UBAC1: variants seen among roughly 807,000 people sequenced by gnomAD.
UBAC1 encodes the protein UBA domain containing 1.
A neutral mutation model predicts 45.9 loss-of-function variants in UBAC1; 27 were observed. The ratio of observed to expected loss-of-function variants is 0.59; its 90% CI spans 0.43 to 0.81. UBAC1 has a LOEUF of 0.81. Among genes scored for constraint, UBAC1 ranks in the 30% least tolerant of loss-of-function variants. The pLI is 0.00. For synonymous variants in UBAC1, 227 were observed against 215.5 expected, an observed-to-expected ratio of 1.05 and a Z score of -0.47; for missense variants, 529 against 539.2, an observed-to-expected ratio of 0.98 and a Z score of 0.19.
chr9:135,961,015 C>G lies in UBAC1; in HGVS notation c.138+10G>C, dbSNP rs753891681. ...GGGTGTTGGGGGCAGGGGAGGGGGCCCGGCCTTACGTGCTTGAGGCAGCGC... is the reference window on the plus strand; with the variant it reads ...GGGTGTTGGGGGCAGGGGAGGGGGCGCGGCCTTACGTGCTTGAGGCAGCGC... On this transcript the variant is annotated intron_variant, in intron 1 of 9. Transcript: ENST00000371756. 27 of 1,542,514 alleles carry G rather than the reference C, an allele frequency of 1.8e-5. No homozygotes were observed. Among genetic ancestry groups the G allele is most frequent in the Non-Finnish European group, 2.3e-5 (26 of 1,149,442 alleles).
rs766567460 is a variant in UBAC1, at chr9:135,953,757, G to GA, written c.260-5dup. 5.6e-6 allele frequency: 9 copies of GA among 1,613,070 alleles called. No individual in the cohort carries two copies. Among genetic ancestry groups the GA allele is most frequent in the African/African-American group, 1.3e-5 (1 of 74,996 alleles). On this transcript the variant is annotated splice_region_variant and splice_polypyrimidine_tract_variant and intron_variant, in intron 2 of 9. Transcript: ENST00000371756. ...TTTTTTATCAATAATAGGACATCTA[G>GA]AAAAAACAACACGTATATCCAACAC...
At chr9:135,948,806 A>G (rs1398715915) in intron 3 of UBAC1, among the ~76,000 whole-genome samples, 3 of 152,228 alleles carry the variant, frequency 2.0e-5, no homozygotes, top group Non-Finnish European at 4.4e-5. Context: ...AAGGTGACAC[A>G]TGCCTGTAAT....
chr9:135,934,655 G>C (rs753369099), intron 9 of UBAC1, among the ~76,000 whole-genome samples: 1 of 152,040 alleles, frequency 6.6e-6, no homozygotes, highest in African/African-American at 2.4e-5. Context: ...GTGAGACTCC[G>C]TCTCAAAAAA....
rs142858133 is a variant in UBAC1 at position 135,935,672 on chromosome 9, G to A, written c.1103-2157C>T. 8.7e-3 allele frequency among the ~76,000 whole-genome samples: 1,319 copies of A among 152,002 alleles called. 8 individuals are homozygous for A. Among genetic ancestry groups the A allele is most frequent in the Non-Finnish European group, 0.015 (1,043 of 67,980 alleles). ...AACAAATAGATGACACGCATAGACA[G>A]TATGTAAAAGAAGAAATGCAATGGC... is the stretch of plus-strand genomic sequence containing the variant. On this transcript the variant is annotated intron_variant, in intron 9 of 9. Transcript: ENST00000371756.
chr9:135,940,529 A>G (rs924784505), intron 7 of UBAC1, among the ~76,000 whole-genome samples: 1 of 151,658 alleles, frequency 6.6e-6, no homozygotes, highest in Non-Finnish European at 1.5e-5. Context: ...GCAGTGAGCC[A>G]AGATCGCGCC....
At chr9:135,960,462 A>C (rs1839519617) in intron 1 of UBAC1, among the ~76,000 whole-genome samples, 4 of 152,190 alleles carry the variant, frequency 2.6e-5, no homozygotes, top group Admixed American at 2.6e-4. Context: ...GCTAAAAGGC[A>C]CAGTGGCCTG....
At chr9:135,958,049 C>CT (rs756622970) in intron 1 of UBAC1, among the ~76,000 whole-genome samples, 65,001 of 126,238 alleles carry the variant, frequency 0.51, 16,753 homozygotes, top group Admixed American at 0.56. Flanking sequence ...GTATAATTTT[C>CT]TTTTTTTTTT....
Position 135,938,306 on chromosome 9 carries a change from T to A in UBAC1, c.1018A>T (p.Ile340Phe), listed in dbSNP as rs1207759786. The A allele has an allele frequency of 5.0e-6, 8 of 1,614,044 alleles. No individual in the cohort carries two copies. Among genetic ancestry groups the A allele is most frequent in the Non-Finnish European group, 5.9e-6 (7 of 1,180,050 alleles). Residue 340 changes from isoleucine (I) to phenylalanine (F), a missense_variant, in exon 9 of 10, where the codon ATC (isoleucine) becomes TTC (phenylalanine). Ile to Phe is a conservative substitution (Grantham distance 21). Transcript: ENST00000371756. ...TGAAAGAGAGGACTGTCGGGGTCGATGCCCTTGTCCAGCTCCTCCGGAGAG... is the reference window on the plus strand; with the variant it reads ...TGAAAGAGAGGACTGTCGGGGTCGAAGCCCTTGTCCAGCTCCTCCGGAGAG... ...KPSPEELDKG[I>F]DPDSPLFQAI...
rs1839432397 is a variant in UBAC1 at position 135,953,615 on chromosome 9, GC to G, written c.333+64del. On this transcript the variant is annotated intron_variant, in intron 3 of 9. Transcript: ENST00000371756. ...TTACAGGCGCGAGCCACTGTACCCA[GC>G]CTGTAATTCTTAAATGTAGACTTCT... 2.8e-6 allele frequency: 4 copies of G among 1,451,402 alleles called. No individual in the cohort carries two copies. The African/African-American group carries it at 5.6e-5, about 20-fold the overall frequency. The allele number at this position is 1,451,402 out of a possible 1,614,324, so 89.9% of individuals were successfully genotyped here. A position where few individuals can be genotyped will look rare whatever the true frequency, so the allele number is the denominator to read the frequency against.
chr9:135,960,815 C>T (rs1472832779), intron 1 of UBAC1, among the ~76,000 whole-genome samples: 1 of 152,114 alleles, frequency 6.6e-6, no homozygotes, highest in African/African-American at 2.4e-5. Flanking sequence ...AGGCCAGGCC[C>T]GGGACGAGCG....
rs558381539 is a variant in UBAC1, at chr9:135,940,133, G to A, written c.877-374C>T. Among the ~76,000 whole-genome samples, 13 of 152,264 alleles carry A rather than the reference G, an allele frequency of 8.5e-5. No homozygotes were observed. The East Asian group carries it at 1.2e-3, about 14-fold the overall frequency. On this transcript the variant is annotated intron_variant, in intron 7 of 9. Coordinates refer to ENST00000371756, the MANE Select transcript of UBAC1 (RefSeq NM_016172.3). ...ATGACTGTGTGGATAAGACTGTCTC[G>A]GCAGCCACCGCAGGTTTACCCCAGA...
intron 4 of UBAC1, among the ~76,000 whole-genome samples, chr9:135,947,144 A>G (rs1839347374): frequency 1.3e-5 from 2 of 152,206 alleles, no homozygotes; most frequent in South Asian, 4.1e-4. Context: ...ACCCCGGCAC[A>G]GCACGTGCCT....
chr9:135,940,280 G>GAA (rs11435128), intron 7 of UBAC1, among the ~76,000 whole-genome samples: 9 of 149,252 alleles, frequency 6.0e-5, no homozygotes, highest in South Asian at 2.1e-4. Flanking sequence ...TTTTATCTTA[G>GAA]AAAAAAAAAA....
intron 7 of UBAC1, among the ~76,000 whole-genome samples, chr9:135,941,818 G>A (rs1839272923): frequency 6.6e-6 from 1 of 152,252 alleles, no homozygotes; most frequent in Non-Finnish European, 1.5e-5. Context: ...GGGAAGGGAG[G>A]GGCAGCAGGA....
At chr9:135,937,730 C>G (rs1486559008) in intron 9 of UBAC1, among the ~76,000 whole-genome samples, 2 of 152,244 alleles carry the variant, frequency 1.3e-5, no homozygotes, top group African/African-American at 2.4e-5. Flanking sequence ...AGGGGAGGGG[C>G]ACCCCAGGCC....
chr9:135,959,326 G>C (rs970424537), intron 1 of UBAC1, among the ~76,000 whole-genome samples: 5 of 141,952 alleles, frequency 3.5e-5, no homozygotes, highest in African/African-American at 4.9e-5. Flanking sequence ...CTGGCTCAGG[G>C]AGGACACAGC....
At chr9:135,945,586 A>G in intron 6 of UBAC1, 1 of 526,932 alleles carries the variant, frequency 1.9e-6, no homozygotes, top group Non-Finnish European at 3.4e-6. Flanking sequence ...TGAACACAGA[A>G]GCAGGGCAAG....
intron 9 of UBAC1, among the ~76,000 whole-genome samples, chr9:135,933,904 C>A (rs537494168): frequency 7.4e-4 from 113 of 152,230 alleles, no homozygotes; most frequent in Admixed American, 4.4e-3. Context: ...GACACTGTTG[C>A]AAAGTTAACA....
chr9:135,939,579 C>T (rs375717980), intron 8 of UBAC1, 94 bp downstream of exon 8: 15,127 of 1,275,296 alleles, frequency 0.012, 167 homozygotes, highest in South Asian at 0.023. Flanking sequence ...CACTCACTCA[C>T]CACAGCCCAC....
Sources: allele counts gnomAD v4.1 joint callset (sites outside exome capture counted in the v4.1 genomes callset), GRCh38; gene constraint gnomAD v4.1.1; transcripts MANE v1.5; gene names NCBI Gene and HGNC (gene_info 2026-07-23, HGNC 2026-07-21).